Variants in AXL observed in about 807,000 individuals in gnomAD.
AXL encodes the protein AXL receptor tyrosine kinase, also known as tyrosine-protein kinase receptor UFO.
In AXL, 52 loss-of-function variants were observed where a neutral mutation model predicts 104.5. The observed-to-expected ratio is 0.50, with a 90% CI of 0.40 to 0.63. The LOEUF (loss-of-function observed/expected upper bound fraction) is 0.63. Ranked by LOEUF, AXL falls within the 20% of genes least tolerant of loss-of-function variation. The pLI, the probability that AXL is intolerant of heterozygous loss-of-function variation, is 0.00. For synonymous variants in AXL, 455 were observed against 473.7 expected, an observed-to-expected ratio of 0.96 and a Z score of 0.51; for missense variants, 1,024 against 1,188.5, an observed-to-expected ratio of 0.86 and a Z score of 2.04.
At chr19:41,238,293 C>T in intron 7 of AXL, 139 bp downstream of exon 7, 2 of 1,415,014 alleles carry the variant, frequency 1.4e-6, no homozygotes, top group African/African-American at 2.8e-5. Context: ...GACCCCTCAG[C>T]AGCACTGCCC....
chr19:41,219,522 C>T (rs1400964050), intron 1 of AXL, 45 bp downstream of exon 1: 6 of 1,305,250 alleles, frequency 4.6e-6, no homozygotes, highest in African/African-American at 1.6e-5. Context: ...CTCGGAGGGG[C>T]TGGGGCAGGG....
intron 1 of AXL, 150 bp downstream of exon 1, chr19:41,219,627 C>A: frequency 1.2e-6 from 1 of 866,024 alleles, no homozygotes; most frequent in Non-Finnish European, 1.7e-6. Context: ...GGGAGGGAGA[C>A]ACAGACTCAG....
At chr19:41,252,474 A>G (rs376080748) in intron 15 of AXL, 31 bp downstream of exon 15, 1 of 1,605,970 alleles carries the variant, frequency 6.2e-7, no homozygotes, top group Non-Finnish European at 8.5e-7. Flanking sequence ...AGGGGTCTAC[A>G]AGCCCCATGG....
chr19:41,242,366 C>G (rs1201518799), intron 10 of AXL, among the ~76,000 whole-genome samples: 4 of 137,956 alleles, frequency 2.9e-5, no homozygotes, highest in Admixed American at 2.3e-4. Flanking sequence ...CTCTGTCACC[C>G]AGGATGGAGT....
intron 10 of AXL, among the ~76,000 whole-genome samples, chr19:41,240,052 C>T (rs554141357): frequency 9.8e-5 from 14 of 142,720 alleles, no homozygotes; most frequent in South Asian, 4.5e-4. Flanking sequence ...GACTGGATGT[C>T]GAGTGGATAA....
rs772595173 is a variant in AXL, at chr19:41,238,162, G to A, written c.994+8G>A. On this transcript the variant is annotated splice_region_variant and intron_variant, in intron 7 of 19. Coordinates refer to ENST00000301178, the MANE Select transcript of AXL (RefSeq NM_021913.5). ...TGGAGACGCCGGAGGGAGGTAAGAA[G>A]GGTTGGGGAGGGACACGTCACCACT... is the stretch of plus-strand genomic sequence containing the variant. 1 of 1,613,738 alleles carries A rather than the reference G, an allele frequency of 6.2e-7. No individual in the cohort carries two copies. The highest frequency in any genetic ancestry group is 1.7e-5 in the Admixed American group (1 of 59,992).
chr19:41,253,564 G>C, intron 16 of AXL, 35 bp from the exon 17 acceptor site: 1 of 1,481,204 alleles, frequency 6.8e-7, no homozygotes, highest in Non-Finnish European at 9.4e-7. Flanking sequence ...CAAGGACTCT[G>C]TTGACCTCTC....
chr19:41,248,088 A>G (rs2122262761), intron 12 of AXL, among the ~76,000 whole-genome samples: 1 of 150,030 alleles, frequency 6.7e-6, no homozygotes, highest in Non-Finnish European at 1.5e-5. Context: ...ACACACGGCT[A>G]ATTTTTGTAT....
In AXL at chr19:41,259,409, T is replaced by C. The variant is rs527580484; in HGVS notation, c.2334-144T>C. ...ATTCTTGGGAATTCCCAAATCCCCA[T>C]AGATGGCCTCAAACTGCTGAGGCTC... On this transcript the variant is annotated intron_variant, in intron 19 of 19. Transcript: ENST00000301178. The C allele has an allele frequency of 1.6e-5, 11 of 678,110 alleles. No homozygotes were observed. In the East Asian group the frequency reaches 2.8e-4, roughly 17 times the overall value. 42.0% of individuals were successfully genotyped at this position (678,110 alleles called of 1,614,324 possible). A position where few individuals can be genotyped will look rare whatever the true frequency, so the allele number is the denominator to read the frequency against.
At chr19:41,241,817 G>C (rs770268172) in intron 10 of AXL, among the ~76,000 whole-genome samples, 7 of 152,244 alleles carry the variant, frequency 4.6e-5, no homozygotes, top group Non-Finnish European at 8.8e-5. Context: ...ACTCCAGCCT[G>C]GGTGAAAGAG....
chr19:41,225,570 C>T (rs2033864786), intron 4 of AXL, among the ~76,000 whole-genome samples: 2 of 152,174 alleles, frequency 1.3e-5, no homozygotes, highest in African/African-American at 4.8e-5. Flanking sequence ...CCTAGATGTA[C>T]ATTGCGTCGC....
intron 4 of AXL, among the ~76,000 whole-genome samples, chr19:41,226,479 C>G (rs2033883738): frequency 6.6e-6 from 1 of 152,210 alleles, no homozygotes; most frequent in African/African-American, 2.4e-5. Context: ...GGAACGGCCA[C>G]CTAGGAAGCC....
chr19:41,219,846 C>T (rs575214330), intron 1 of AXL, among the ~76,000 whole-genome samples: 3 of 151,722 alleles, frequency 2.0e-5, no homozygotes, highest in African/African-American at 7.3e-5. Context: ...CCGAGTCAGG[C>T]AGTGGGATGA....
chr19:41,223,237 G>A (rs2033824738), intron 4 of AXL, among the ~76,000 whole-genome samples: 1 of 152,062 alleles, frequency 6.6e-6, no homozygotes, highest in African/African-American at 2.4e-5. Flanking sequence ...GGAGGTTGCA[G>A]TGAGCCGAGA....
At chr19:41,252,664 C>T (rs991487217) in intron 15 of AXL, among the ~76,000 whole-genome samples, 182 bp from the exon 16 acceptor site, 3 of 152,204 alleles carry the variant, frequency 2.0e-5, no homozygotes, top group Admixed American at 1.3e-4. Context: ...CCGGAAACGT[C>T]CCTGGGAACT....
intron 11 of AXL, among the ~76,000 whole-genome samples, chr19:41,243,293 G>C (rs142850840): frequency 6.6e-6 from 1 of 152,170 alleles, no homozygotes; most frequent in Non-Finnish European, 1.5e-5. Context: ...GTAGGCACAC[G>C]CCTGTGGTCC....
chr19:41,221,740 T>C, intron 3 of AXL, 140 bp from the exon 4 acceptor site: 2 of 870,338 alleles, frequency 2.3e-6, no homozygotes, highest in Middle Eastern at 3.5e-4. Context: ...ATGGCTCAGG[T>C]GCCCTCGGGG....
rs2034507703 is a variant in AXL at position 41,259,772 on chromosome 19, C to T, written c.2553C>T (p.Ser851=). The T allele has an allele frequency of 6.2e-7, 1 of 1,613,996 alleles. No individual in the cohort carries two copies. The highest frequency in any genetic ancestry group is 1.3e-5 in the African/African-American group (1 of 74,910). The change falls in exon 20 of 20, where the codon TCC becomes TCT. Residue 851 remains serine, a synonymous_variant. Coordinates refer to ENST00000301178, the MANE Select transcript of AXL (RefSeq NM_021913.5). ...DPPTQPDPKD[S]CSCLTAAEVH... is the part of the protein sequence containing the mutation. ...CAACCCAGCCAGACCCTAAGGATTCCTGTAGCTGCCTCACTGCGGCTGAGG... is the reference window on the plus strand; with the variant it reads ...CAACCCAGCCAGACCCTAAGGATTCTTGTAGCTGCCTCACTGCGGCTGAGG...
chr19:41,240,557 T>C (rs1041123535), intron 10 of AXL, among the ~76,000 whole-genome samples: 1 of 152,182 alleles, frequency 6.6e-6, no homozygotes, highest in African/African-American at 2.4e-5. Flanking sequence ...ACATTCCTCC[T>C]ACACCCATTG....
Sources: allele counts gnomAD v4.1 joint callset (sites outside exome capture counted in the v4.1 genomes callset), GRCh38; gene constraint gnomAD v4.1.1; transcripts MANE v1.5; gene names NCBI Gene and HGNC (gene_info 2026-07-23, HGNC 2026-07-21).